GTF3C2: variants seen among roughly 807,000 people sequenced by gnomAD.
GTF3C2 encodes general transcription factor IIIC subunit 2.
Under a neutral mutation model 117.4 loss-of-function variants are expected in GTF3C2, and 17 were observed. That is an observed-to-expected ratio of 0.14 (90% CI 0.10 to 0.22). GTF3C2 has a LOEUF of 0.22. Among genes scored for constraint, GTF3C2 ranks in the 10% least tolerant of loss-of-function variants. GTF3C2 has a pLI of 1.00. For synonymous variants in GTF3C2, 437 were observed against 427.0 expected (o/e 1.02, Z -0.29); for missense variants, 888 against 1,143.6 (o/e 0.78, Z 3.22).
intron 1 of GTF3C2, among the ~76,000 whole-genome samples, chr2:27,350,948 CAAA>C (rs1179397836): frequency 3.1e-5 from 3 of 97,356 alleles, no homozygotes; most frequent in Non-Finnish European, 2.2e-5. Flanking sequence ...GACTCCATCT[CAAA>C]AAAAAAAAAA....
exon 19 of GTF3C2, chr2:27,326,634 T>C (rs534621889): frequency 6.7e-7 from 1 of 1,483,154 alleles, no homozygotes; most frequent in Non-Finnish European, 9.4e-7. Context: ...GGCCATTTGT[T>C]CTTGACCGAC....
intron 1 of GTF3C2, chr2:27,350,277 G>C (rs1439255185): frequency 3.2e-6 from 1 of 311,610 alleles, no homozygotes; most frequent in East Asian, 1.7e-4. Context: ...CTGCAAATTT[G>C]TTAAAATGCA....
chr2:27,336,048 G>C lies in GTF3C2; in HGVS notation c.1356-20C>G. ...CCAGGACTGGAGAGAGAGAGCATGT[G>C]GGGATGGTGGGTAGGAAGAAGGGAC... is the stretch of plus-strand genomic sequence containing the variant. On this transcript the variant is annotated intron_variant, in intron 8 of 18. Coordinates refer to ENST00000264720, the Ensembl canonical transcript of GTF3C2. The C allele has an allele frequency of 1.3e-6, 2 of 1,529,738 alleles. No homozygotes were observed. Among genetic ancestry groups the C allele is most frequent in the Non-Finnish European group, 1.8e-6 (2 of 1,103,146 alleles). 94.8% of individuals were successfully genotyped at this position (1,529,738 alleles called of 1,614,324 possible).
chr2:27,327,307 G>A (rs375916140), intron 17 of GTF3C2, 23 bp from the exon 18 acceptor site: 3 of 1,249,750 alleles, frequency 2.4e-6, no homozygotes, highest in South Asian at 1.2e-5. Flanking sequence ...AATGGAATAG[G>A]AGAGAGAAAG....
chr2:27,326,643 A>T (rs889823364), exon 19 of GTF3C2: 3 of 1,534,966 alleles, frequency 2.0e-6, no homozygotes, highest in Admixed American at 3.4e-5. Flanking sequence ...TTCTTGACCG[A>T]CTTCACTCCA....
intron 3 of GTF3C2, 114 bp from the exon 4 acceptor site, chr2:27,342,347 A>G (rs576512645): frequency 1.7e-5 from 13 of 773,820 alleles, no homozygotes; most frequent in Middle Eastern, 3.9e-4. Flanking sequence ...TGATTAACCA[A>G]TTAACTCTAT....
At chr2:27,328,312 G>A in intron 16 of GTF3C2, 123 bp from the exon 17 acceptor site, 1 of 1,007,260 alleles carries the variant, frequency 9.9e-7, no homozygotes, top group Non-Finnish European at 1.5e-6. Flanking sequence ...TATATGCTCA[G>A]ATGCAGTACG....
At chr2:27,347,248 T>C (rs1287127240) in intron 1 of GTF3C2, among the ~76,000 whole-genome samples, 1 of 152,156 alleles carries the variant, frequency 6.6e-6, no homozygotes, top group Admixed American at 6.5e-5. Context: ...CAGATCTATA[T>C]ATACGCCTTA....
At position 27,343,013 on chromosome 2, in the gene GTF3C2, G is replaced by A. The variant is rs147615647; in HGVS notation, c.382C>T (p.Leu128Phe). The A allele has an allele frequency of 5.3e-4, 850 of 1,614,062 alleles. 9 individuals are homozygous for A. Among genetic ancestry groups the A allele is most frequent in the Non-Finnish European group, 9.3e-5 (110 of 1,180,004 alleles). ...GACAGAGGGTTGGATTGATCTAAGA[G>A]ACCAGGAACCAGTGGGGCTGATGGA... Residue 128 changes from leucine to phenylalanine, a missense_variant, in exon 3 of 19, where the codon CTC (leucine) becomes TTC (phenylalanine). By Grantham distance (22) the Leu-to-Phe change is conservative (BLOSUM62 0). Coordinates refer to ENST00000264720, the Ensembl canonical transcript of GTF3C2.
chr2:27,328,601 T>C lies in GTF3C2; in HGVS notation c.2128-5A>G, dbSNP rs1240616630. 10 of 1,608,112 alleles carry C rather than the reference T, an allele frequency of 6.2e-6. No homozygotes were observed. The highest frequency in any genetic ancestry group is 1.7e-5 in the Admixed American group (1 of 59,926). On this transcript the variant is annotated splice_region_variant and splice_polypyrimidine_tract_variant and intron_variant, in intron 15 of 18. Coordinates refer to ENST00000264720, the Ensembl canonical transcript of GTF3C2. ...CCAGTCGGATCCTGAAAGACTCTAA[T>C]AGAAAGAGACAGATTTCATTCATTC...
chr2:27,341,743 A>G (rs1572576129), intron 4 of GTF3C2: 3 of 576,040 alleles, frequency 5.2e-6, no homozygotes, highest in Non-Finnish European at 9.3e-6. Flanking sequence ...GATACTCAAT[A>G]TATGAATGAA....
chr2:27,345,652 T>A (rs943695281), intron 1 of GTF3C2, among the ~76,000 whole-genome samples: 11 of 151,656 alleles, frequency 7.3e-5, no homozygotes, highest in Non-Finnish European at 1.0e-4. Context: ...TTCACCTGGA[T>A]GGGGGTGGTG....
rs548704445 is a variant in GTF3C2, at chr2:27,343,411, G to C, written c.144C>G (p.Ser48=). 3 of 1,613,724 alleles carry C rather than the reference G, an allele frequency of 1.9e-6. No homozygotes were observed. In the African/African-American group the frequency reaches 4.0e-5, roughly 22 times the overall value. The change falls in exon 2 of 19, where the codon TCC becomes TCG. Residue 48 remains serine (S), a synonymous_variant. Coordinates refer to ENST00000264720, the Ensembl canonical transcript of GTF3C2. ...AAGGGGTAGGTAATGACATCTCTAC[G>C]GAAGCCTCTGCACTGGTCATTTCTG...
chr2:27,332,539 C>T (rs543078722), intron 12 of GTF3C2, among the ~76,000 whole-genome samples: 31 of 152,070 alleles, frequency 2.0e-4, no homozygotes, highest in African/African-American at 4.1e-4. Context: ...CCCAGCCTCC[C>T]GGGTAGCTGG....
intron 1 of GTF3C2, among the ~76,000 whole-genome samples, chr2:27,355,262 C>G (rs1226642559): frequency 3.9e-5 from 6 of 152,186 alleles, no homozygotes; most frequent in Non-Finnish European, 8.8e-5. Flanking sequence ...GTGGCTCACG[C>G]CTGTAATCCC....
At chr2:27,345,540 C>A (rs988675297) in intron 1 of GTF3C2, among the ~76,000 whole-genome samples, 2 of 151,460 alleles carry the variant, frequency 1.3e-5, no homozygotes, top group African/African-American at 4.8e-5. Context: ...TTGCAGCGAG[C>A]CGAGATCATG....
chr2:27,350,435 G>T (rs1015465506), intron 1 of GTF3C2: 48 of 984,596 alleles, frequency 4.9e-5, no homozygotes, highest in Non-Finnish European at 5.8e-5. Flanking sequence ...AGGGTTGAGG[G>T]AAAAACAGTT....
exon 3 of GTF3C2, chr2:27,342,906 T>C (rs1400261934): frequency 1.9e-6 from 3 of 1,614,090 alleles, no homozygotes; most frequent in Admixed American, 3.3e-5. Context: ...ATTGAGATTC[T>C]GGCCGATCTA....
intron 1 of GTF3C2, among the ~76,000 whole-genome samples, chr2:27,345,613 A>G (rs1488083432): frequency 1.3e-5 from 2 of 152,080 alleles, no homozygotes; most frequent in Non-Finnish European, 2.9e-5. Context: ...AATGAGTCAA[A>G]GAGTTCTCTG....
Sources: gnomAD v4.1 joint callset for allele counts (sites outside exome capture counted in the v4.1 genomes callset) on GRCh38, gnomAD v4.1.1 for gene constraint, MANE v1.5 for transcripts, NCBI Gene and HGNC (gene_info 2026-07-23, HGNC 2026-07-21) for gene names.